Variants in AQP7 observed in about 807,000 individuals in gnomAD.
AQP7 encodes the protein aquaporin 7.
A neutral mutation model predicts 26.1 loss-of-function variants in AQP7; 22 were observed. The ratio of observed to expected loss-of-function variants is 0.84; its 90% CI spans 0.60 to 1.20. The LOEUF (loss-of-function observed/expected upper bound fraction) is 1.20, where lower values mean the gene tolerates loss of function less well. AQP7 is among the 50% of genes most tolerant of loss of function. The pLI is 0.00. For missense variants in AQP7, 412 were observed against 457.5 expected (o/e 0.90, Z 0.91); for synonymous variants, 167 against 181.7 (o/e 0.92, Z 0.65).
chr9:33,396,959 G>C (rs866124027), intron 2 of AQP7, among the ~76,000 whole-genome samples: 59 of 152,026 alleles, frequency 3.9e-4, no homozygotes, highest in African/African-American at 1.4e-3. Flanking sequence ...AAATTAGTCA[G>C]GTGTTGTGGT....
intron 2 of AQP7, among the ~76,000 whole-genome samples, chr9:33,396,362 T>C (rs1825845957): frequency 7.3e-6 from 1 of 136,472 alleles, no homozygotes; most frequent in African/African-American, 2.8e-5. Flanking sequence ...CGCTTGAACA[T>C]GGGAGATGGA....
intron 2 of AQP7, among the ~76,000 whole-genome samples, chr9:33,397,075 T>C (rs111890883): frequency 0.075 from 10,247 of 135,812 alleles, 411 homozygotes; most frequent in Middle Eastern, 0.16. Flanking sequence ...CACTCCAGCA[T>C]GGGTGACAGA....
chr9:33,388,159 C>G (rs2380986), intron 3 of AQP7, among the ~76,000 whole-genome samples: 2 of 152,096 alleles, frequency 1.3e-5, no homozygotes, highest in Non-Finnish European at 2.9e-5. Flanking sequence ...GGAGCCGGAT[C>G]CCTATTTGCA....
chr9:33,386,261 A>T, intron 5 of AQP7, 66 bp from the exon 6 acceptor site: 1 of 1,606,824 alleles, frequency 6.2e-7, no homozygotes, highest in East Asian at 2.2e-5. Context: ...CCCAGAAATG[A>T]GGTTATAGGT....
rs1824815457 is a variant in AQP7 at position 33,386,504 on chromosome 9, A to G, written c.306T>C (p.Cys102=). Residue 102 remains cysteine (C), a synonymous_variant, in exon 5 of 8, where the codon TGT becomes TGC. Transcript: ENST00000297988. ...HMNAAVTFAN[C]ALGRVPWRKF... is the part of the protein sequence containing the mutation. ...TCCTCCAGGGCACGCGGCCCAGCGC[A>G]CAGTTAGCAAAGGTCACAGCTGCGT... is the stretch of plus-strand genomic sequence containing the variant. 1.2e-6 allele frequency: 2 copies of G among 1,612,638 alleles called. No homozygotes were observed. The highest frequency in any genetic ancestry group is 1.7e-6 in the Non-Finnish European group (2 of 1,179,346).
At chr9:33,393,437 G>A (rs1016296480) in intron 3 of AQP7, among the ~76,000 whole-genome samples, 24 of 152,146 alleles carry the variant, frequency 1.6e-4, no homozygotes, top group South Asian at 4.1e-4. Flanking sequence ...TAAGAACCCC[G>A]GTGTTCCGAT....
intron 2 of AQP7, 61 bp downstream of exon 2, chr9:33,401,176 A>G: frequency 6.6e-7 from 1 of 1,526,126 alleles, no homozygotes; most frequent in Non-Finnish European, 8.9e-7. Context: ...CAGGGAGGGC[A>G]CTGAAGTGGG....
rs549789029 is a variant in AQP7, at chr9:33,385,796, G to C, written c.596C>G (p.Pro199Arg). Reference protein sequence around the residue: ...ITDQENNPALPGTEALVIGIL... With the variant: ...ITDQENNPALRGTEALVIGIL... ...GCCTATCACCAGCGCCTCTGTTCCT[G>C]GCAGTGCTGGGTTGTTCTCCTGGTC... Residue 199 changes from proline (P) to arginine (R), a missense_variant, in exon 7 of 8, where the codon CCA becomes CGA. Pro to Arg is a moderately radical substitution (Grantham distance 103). Coordinates refer to ENST00000297988, the MANE Select transcript of AQP7 (RefSeq NM_001170.3). 20 of 1,613,204 alleles carry C rather than the reference G, an allele frequency of 1.2e-5. No individual in the cohort carries two copies. The Admixed American group carries it at 3.2e-4, about 26-fold the overall frequency.
Position 33,400,804 on chromosome 9 carries a change from C to T in AQP7, c.26+433G>A, listed in dbSNP as rs549626052. On this transcript the variant is annotated intron_variant, in intron 2 of 7. Coordinates refer to ENST00000297988, the MANE Select transcript of AQP7 (RefSeq NM_001170.3). ...TGGGCGACAGAACTGGATTCCATCT[C>T]GGAAAAAAAAAAAAACCTGAAAAGA... Among the ~76,000 whole-genome samples, 7 of 147,168 alleles carry T rather than the reference C, an allele frequency of 4.8e-5. No homozygotes were observed. The South Asian group carries it at 8.5e-4, about 18-fold the overall frequency.
chr9:33,392,429 G>A (rs1825492287), intron 3 of AQP7, among the ~76,000 whole-genome samples: 1 of 152,080 alleles, frequency 6.6e-6, no homozygotes, highest in Non-Finnish European at 1.5e-5. Flanking sequence ...GATAATAATA[G>A]TACCTACTTC....
chr9:33,395,476 G>A (rs998118301), intron 2 of AQP7: 6 of 421,192 alleles, frequency 1.4e-5, no homozygotes, highest in African/African-American at 8.1e-5. Flanking sequence ...ATGGGCGGGT[G>A]GGGAGCTGAA....
intron 3 of AQP7, among the ~76,000 whole-genome samples, chr9:33,388,275 T>C (rs548095622): frequency 1.9e-4 from 29 of 152,294 alleles, no homozygotes; most frequent in Admixed American, 5.2e-4. Flanking sequence ...CCCATCCCCG[T>C]TGGCCGAGCC....
In AQP7 at chr9:33,385,183, G is replaced by A; in HGVS notation, c.851C>T (p.Pro284Leu). The A allele has an allele frequency of 6.2e-7, 1 of 1,611,862 alleles. No individual in the cohort carries two copies. Among genetic ancestry groups the A allele is most frequent in the South Asian group, 1.1e-5 (1 of 90,982 alleles). Residue 284 changes from proline (P) to leucine (L), a missense_variant, in exon 8 of 8, where the codon CCC becomes CTC. Transcript: ENST00000297988. ...CGCCACAGAATCCTCCAATTTCAGG[G>A]GCTCCCGTGGGATGGTGGAGCCAAT... ...VFIGSTIPREPLKLEDSVAYE... is the reference protein window; with the variant it reads ...VFIGSTIPRELLKLEDSVAYE...
At chr9:33,397,087 T>G (rs10971487) in intron 2 of AQP7, among the ~76,000 whole-genome samples, 2 of 141,502 alleles carry the variant, frequency 1.4e-5, no homozygotes. Flanking sequence ...GGTGACAGAG[T>G]GACACCCTGT....
chr9:33,395,602 G>C (rs992675017), intron 2 of AQP7: 3 of 203,716 alleles, frequency 1.5e-5, no homozygotes, highest in Admixed American at 1.1e-4. Context: ...CTATCTGCTA[G>C]AGCCAGAACT....
chr9:33,402,198 G>A (rs565846295), intron 1 of AQP7, among the ~76,000 whole-genome samples, 175 bp downstream of exon 1: 1 of 152,260 alleles, frequency 6.6e-6, no homozygotes, highest in East Asian at 1.9e-4. Flanking sequence ...GTGTCACACA[G>A]CAACACAGGA....
intron 3 of AQP7, among the ~76,000 whole-genome samples, chr9:33,392,393 C>G (rs1587124210): frequency 6.6e-6 from 1 of 152,008 alleles, no homozygotes; most frequent in East Asian, 1.9e-4. Flanking sequence ...CTCAAGGAGC[C>G]TCAGTTTTCC....
chr9:33,399,712 G>A (rs946764888), intron 2 of AQP7, among the ~76,000 whole-genome samples: 7 of 152,244 alleles, frequency 4.6e-5, no homozygotes, highest in Admixed American at 4.6e-4. Context: ...GGAAGAGATG[G>A]GTAATGGCAA....
intron 2 of AQP7, among the ~76,000 whole-genome samples, chr9:33,396,623 C>A (rs1014290225): frequency 6.8e-6 from 1 of 146,506 alleles, no homozygotes; most frequent in African/African-American, 2.5e-5. Flanking sequence ...ACATGCCAGT[C>A]CTACGCCCAG....
Sources: gnomAD v4.1 joint callset for allele counts (sites outside exome capture counted in the v4.1 genomes callset) on GRCh38, gnomAD v4.1.1 for gene constraint, MANE v1.5 for transcripts, NCBI Gene and HGNC (gene_info 2026-07-23, HGNC 2026-07-21) for gene names.